CFAP20DC: variants seen among roughly 807,000 people sequenced by gnomAD.
The protein encoded by CFAP20DC is protein CFAP20DC.
In CFAP20DC, 84 loss-of-function variants were observed where a neutral mutation model predicts 101.7. The observed-to-expected ratio is 0.83, with a 90% CI of 0.69 to 0.99. The LOEUF is 0.99. CFAP20DC is among the 50% of genes least tolerant of loss of function. CFAP20DC has a pLI of 0.00. For missense variants in CFAP20DC, 1,007 were observed against 970.3 expected, an observed-to-expected ratio of 1.04 and a Z score of -0.50; for synonymous variants, 359 against 351.2, an observed-to-expected ratio of 1.02 and a Z score of -0.25.
chr3:58,804,912 T>G (rs1016062705), intron 15 of CFAP20DC, among the ~76,000 whole-genome samples: 4 of 152,204 alleles, frequency 2.6e-5, no homozygotes, highest in Non-Finnish European at 5.9e-5. Context: ...TTCACCCTAC[T>G]AGGTAACATG....
At chr3:59,028,779 A>G (rs1043980773) in intron 4 of CFAP20DC, among the ~76,000 whole-genome samples, 8 of 152,238 alleles carry the variant, frequency 5.3e-5, no homozygotes, top group African/African-American at 1.9e-4. Context: ...GAGCTATAAC[A>G]AAGTGCTTAG....
chr3:58,979,005 G>GT (rs2092403938), intron 4 of CFAP20DC, among the ~76,000 whole-genome samples: 1 of 152,176 alleles, frequency 6.6e-6, no homozygotes, highest in African/African-American at 2.4e-5. Flanking sequence ...CCCAGTGATA[G>GT]TGGTGATGCT....
chr3:59,000,951 A>G (rs2093292277), intron 4 of CFAP20DC, among the ~76,000 whole-genome samples: 1 of 152,186 alleles, frequency 6.6e-6, no homozygotes, highest in Non-Finnish European at 1.5e-5. Flanking sequence ...GAGAAAGTAT[A>G]AAAGAAAACT....
intron 3 of CFAP20DC, among the ~76,000 whole-genome samples, chr3:58,720,919 G>C (rs775198826): frequency 3.3e-5 from 5 of 152,220 alleles, no homozygotes; most frequent in Admixed American, 6.5e-5. Flanking sequence ...CAAAGGAAGA[G>C]ATTGAGACTT....
intron 5 of CFAP20DC, among the ~76,000 whole-genome samples, chr3:58,918,335 G>C (rs966645640): frequency 6.6e-6 from 1 of 152,038 alleles, no homozygotes; most frequent in African/African-American, 2.4e-5. Flanking sequence ...TACCCTTTTA[G>C]CTTCATCAAT....
At chr3:58,786,276 T>C (rs752671289) in intron 15 of CFAP20DC, among the ~76,000 whole-genome samples, 12 of 152,144 alleles carry the variant, frequency 7.9e-5, no homozygotes, top group South Asian at 2.1e-4. Flanking sequence ...TATCCCACTT[T>C]ATATTTGTGT....
intron 13 of CFAP20DC, among the ~76,000 whole-genome samples, chr3:58,837,624 C>T (rs1046441561): frequency 1.3e-5 from 2 of 152,138 alleles, no homozygotes; most frequent in South Asian, 4.2e-4. Flanking sequence ...CTAAGGCTCA[C>T]TTGTGAATCA....
chr3:58,985,908 T>G (rs1406007470), intron 4 of CFAP20DC, among the ~76,000 whole-genome samples: 1 of 152,226 alleles, frequency 6.6e-6, no homozygotes, highest in Admixed American at 6.5e-5. Context: ...TGGAACAGTC[T>G]CTGGAATCTT....
At chr3:58,730,411 A>T (rs980287907) in intron 3 of CFAP20DC, among the ~76,000 whole-genome samples, 1 of 152,250 alleles carries the variant, frequency 6.6e-6, no homozygotes, top group African/African-American at 2.4e-5. Flanking sequence ...CAGTGGTAGA[A>T]GCAGGCAGAT....
intron 6 of CFAP20DC, among the ~76,000 whole-genome samples, chr3:58,905,822 T>C (rs923928438): frequency 6.6e-6 from 1 of 152,160 alleles, no homozygotes; most frequent in African/African-American, 2.4e-5. Flanking sequence ...ACAAAAGATA[T>C]CTGTTACTTA....
At chr3:59,042,328 G>A (rs1699465926) in intron 3 of CFAP20DC, among the ~76,000 whole-genome samples, 1 of 152,048 alleles carries the variant, frequency 6.6e-6, no homozygotes, top group African/African-American at 2.4e-5. Context: ...AACCAATTAT[G>A]TGGGGTCTTG....
intron 4 of CFAP20DC, among the ~76,000 whole-genome samples, chr3:59,011,710 A>G (rs566477239): frequency 4.6e-5 from 7 of 152,202 alleles, no homozygotes; most frequent in Admixed American, 2.0e-4. Flanking sequence ...AACCAAGAAA[A>G]GAAGAGAGAA....
chr3:58,924,183 T>C (rs997111604), intron 5 of CFAP20DC, among the ~76,000 whole-genome samples: 2 of 152,178 alleles, frequency 1.3e-5, no homozygotes, highest in Non-Finnish European at 2.9e-5. Flanking sequence ...ATCACCTAAA[T>C]AGTAAACATT....
chr3:58,819,228 A>G (rs1477616285), intron 14 of CFAP20DC, among the ~76,000 whole-genome samples: 1 of 151,938 alleles, frequency 6.6e-6, no homozygotes, highest in East Asian at 2.0e-4. Context: ...CACAATTAAA[A>G]GAACTAGAAA....
chr3:58,845,219 C>G (rs2077517925), intron 13 of CFAP20DC, among the ~76,000 whole-genome samples: 1 of 150,152 alleles, frequency 6.7e-6, no homozygotes, highest in East Asian at 1.9e-4. Flanking sequence ...TTAATGAATC[C>G]AGGAGCTGGT....
In CFAP20DC at chr3:58,913,995, T is replaced by C; in HGVS notation, c.394-131A>G. ...AACAAGCCCCAAACTAATTTTCCTC[T>C]TTAGGTAAACTTATCTCTGTTTTGG... On this transcript the variant is annotated intron_variant, in intron 5 of 16. Transcript: ENST00000482387. The surrounding 1 kb of genome is among the most constrained non-coding windows in gnomAD (Gnocchi z 4.4). 1 of 918,734 alleles carries C rather than the reference T, an allele frequency of 1.1e-6. No individual in the cohort carries two copies. The highest frequency in any genetic ancestry group is 1.6e-6 in the Non-Finnish European group (1 of 615,100). The allele number at this position is 918,734 out of a possible 1,614,324, so 56.9% of individuals were successfully genotyped here. A position where few individuals can be genotyped will look rare whatever the true frequency, so the allele number is the denominator to read the frequency against.
rs114296869 is a variant in CFAP20DC at position 58,939,012 on chromosome 3, C to T, written c.279-1250G>A. Reference sequence around the variant, plus strand: ...ATACATATATGTAAACATAGTATCACATTTACCCTAAGGCAATGTCTTCAA... The same window carrying T: ...ATACATATATGTAAACATAGTATCATATTTACCCTAAGGCAATGTCTTCAA... On this transcript the variant is annotated intron_variant, in intron 4 of 16. Coordinates refer to ENST00000482387, the MANE Select transcript of CFAP20DC (RefSeq NM_001394063.1). 2.1e-3 allele frequency among the ~76,000 whole-genome samples: 313 copies of T among 152,242 alleles called. 2 individuals carry two copies. The highest frequency in any genetic ancestry group is 7.4e-3 in the African/African-American group (306 of 41,550).
At position 58,831,806 on chromosome 3, in the gene CFAP20DC, A is replaced by G; in HGVS notation, c.2055T>C (p.Asn685=). The G allele has an allele frequency of 1.2e-6, 2 of 1,613,998 alleles. No individual in the cohort carries two copies. Among genetic ancestry groups the G allele is most frequent in the African/African-American group, 1.3e-5 (1 of 74,992 alleles). ...AGGTCCCAGCATCCTCCAGTTCTTC[A>G]TTTTGTTGCCACCGTAGGCTTGCTA... ...QMLASLRWQQ[N]EELEDAGTSH... The change falls in exon 14 of 17, where the codon AAT becomes AAC. Residue 685 remains asparagine, a synonymous_variant. Transcript: ENST00000482387.
chr3:58,891,279 C>A (rs1236076491), intron 6 of CFAP20DC, among the ~76,000 whole-genome samples: 3 of 151,528 alleles, frequency 2.0e-5, no homozygotes, highest in South Asian at 2.1e-4. Context: ...TCAGGCGTGG[C>A]GGCGCGTGCC....
Sources: gnomAD v4.1 joint callset for allele counts (sites outside exome capture counted in the v4.1 genomes callset) on GRCh38, gnomAD v4.1.1 for gene constraint, Gnocchi (gnomAD v3.1) non-coding constraint, MANE v1.5 for transcripts, NCBI Gene and HGNC (gene_info 2026-07-23, HGNC 2026-07-21) for gene names.